The following CYP4Z1 variants were observed in gnomAD, a reference collection of about 807,000 sequenced individuals.
The protein encoded by CYP4Z1 is cytochrome P450 family 4 subfamily Z member 1, also known as cytochrome P450 4Z1.
CYP4Z1 carries 41 observed loss-of-function variants against 54.2 expected under a neutral mutation model. That is an observed-to-expected ratio of 0.76 (90% CI 0.59 to 0.98). CYP4Z1 has a LOEUF of 0.98. Among genes scored for constraint, CYP4Z1 ranks in the 50% least tolerant of loss-of-function variants. The pLI is 0.00. For missense variants in CYP4Z1, 513 were observed against 599.0 expected (o/e 0.86, Z 1.50); for synonymous variants, 163 against 206.2 (o/e 0.79, Z 1.79).
At chr1:47,059,451 T>C in the CYP4Z1 span, among the ~76,000 whole-genome samples, 2 of 152,180 alleles carry the variant, frequency 1.3e-5, no homozygotes, top group Non-Finnish European at 2.9e-5. Flanking sequence ...CCTATCCAAA[T>C]TTGGAAGATA....
At chr1:47,090,013 C>T (rs563017823) in intron 6 of CYP4Z1, among the ~76,000 whole-genome samples, 101 of 152,294 alleles carry the variant, frequency 6.6e-4, no homozygotes, top group African/African-American at 2.2e-3. Flanking sequence ...CTTTCATAGA[C>T]CCTCTTACAA....
At chr1:47,095,980 A>G (rs928797839) in intron 7 of CYP4Z1, among the ~76,000 whole-genome samples, 1 of 152,224 alleles carries the variant, frequency 6.6e-6, no homozygotes, top group African/African-American at 2.4e-5. Flanking sequence ...ATACTCTGTG[A>G]ACTCAACTTT....
At chr1:47,091,780 A>G (rs1294792239) in intron 6 of CYP4Z1, among the ~76,000 whole-genome samples, 1 of 149,758 alleles carries the variant, frequency 6.7e-6, no homozygotes, top group African/African-American at 2.4e-5. Flanking sequence ...TAGAGCTGTT[A>G]TGACGATGGT....
chr1:47,102,052 G>C (rs1644725536), intron 8 of CYP4Z1, among the ~76,000 whole-genome samples: 1 of 151,902 alleles, frequency 6.6e-6, no homozygotes, highest in Non-Finnish European at 1.5e-5. Context: ...CTTTTTCTCT[G>C]ATATAAACAT....
intron 7 of CYP4Z1, among the ~76,000 whole-genome samples, chr1:47,095,259 T>C (rs1288318374): frequency 2.0e-5 from 3 of 152,204 alleles, no homozygotes; most frequent in Non-Finnish European, 4.4e-5. Context: ...TCAGACCTAG[T>C]GGGTTAGAAT....
At chr1:47,079,171 C>T (rs970501952) in intron 2 of CYP4Z1, among the ~76,000 whole-genome samples, 14 of 152,172 alleles carry the variant, frequency 9.2e-5, no homozygotes, top group Non-Finnish European at 2.1e-4. Context: ...TCTGCTTTCT[C>T]TAGGATCCAG....
At chr1:47,073,066 C>T (rs1258970653) in intron 2 of CYP4Z1, among the ~76,000 whole-genome samples, 2 of 112,332 alleles carry the variant, frequency 1.8e-5, no homozygotes, top group Non-Finnish European at 3.6e-5. Context: ...AGACAGAAAC[C>T]TCATACCAAT....
the CYP4Z1 span, among the ~76,000 whole-genome samples, chr1:47,056,738 G>A: frequency 6.6e-6 from 1 of 152,056 alleles, no homozygotes; most frequent in African/African-American, 2.4e-5. Context: ...GACTAGGATT[G>A]CAACTCCTGC....
In CYP4Z1 at chr1:47,106,131, A is replaced by C; in HGVS notation, c.1071A>C (p.Glu357Asp). 6.2e-7 allele frequency: 1 copy of C among 1,613,150 alleles called. No homozygotes were observed. Among genetic ancestry groups the C allele is most frequent in the Non-Finnish European group, 8.5e-7 (1 of 1,179,696 alleles). The change falls in exon 9 of 12, where the codon GAA becomes GAC. Residue 357 changes from glutamate to aspartate, a missense_variant. Transcript: ENST00000334194. ...LLGDGSSITW[E>D]HLSQMPYTTM... ...TTCCTCCTGTGCTTCTACCCAGGGAACACCTGAGCCAGATGCCTTACACCA... is the reference window on the plus strand; with the variant it reads ...TTCCTCCTGTGCTTCTACCCAGGGACCACCTGAGCCAGATGCCTTACACCA...
At chr1:47,096,573 T>C (rs1644678473) in intron 7 of CYP4Z1, 1 of 151,952 alleles carries the variant, frequency 6.6e-6, no homozygotes, top group African/African-American at 2.4e-5. Context: ...CCATAGTGGT[T>C]TGCTGCACAG....
At chr1:47,116,582 T>A in intron 10 of CYP4Z1, 68 bp from the exon 11 acceptor site, 1 of 1,081,328 alleles carries the variant, frequency 9.2e-7, no homozygotes, top group South Asian at 1.6e-5. Context: ...TTCGTTTTTG[T>A]TTTTGTTTTT....
chr1:47,099,560 T>C (rs1413690782), intron 8 of CYP4Z1, among the ~76,000 whole-genome samples: 1 of 152,204 alleles, frequency 6.6e-6, no homozygotes, highest in Non-Finnish European at 1.5e-5. Flanking sequence ...TGCCTACCTT[T>C]TTTATGTCAC....
At chr1:47,056,214 A>T in the CYP4Z1 span, among the ~76,000 whole-genome samples, 1 of 152,086 alleles carries the variant, frequency 6.6e-6, no homozygotes, top group South Asian at 2.1e-4. Context: ...TTCAGTTTCC[A>T]TGTAGTTGAG....
intron 7 of CYP4Z1, among the ~76,000 whole-genome samples, chr1:47,095,674 C>G (rs1331916665): frequency 6.6e-6 from 1 of 152,004 alleles, no homozygotes; most frequent in Non-Finnish European, 1.5e-5. Flanking sequence ...TTATAAATAT[C>G]TTTATGTAAG....
chr1:47,085,419 T>C (rs1644585086), intron 6 of CYP4Z1, among the ~76,000 whole-genome samples: 1 of 152,170 alleles, frequency 6.6e-6, no homozygotes, highest in African/African-American at 2.4e-5. Flanking sequence ...TTTTGGGGAC[T>C]TAGGACATAG....
At chr1:47,104,990 A>G (rs1644747036) in intron 8 of CYP4Z1, among the ~76,000 whole-genome samples, 1 of 151,976 alleles carries the variant, frequency 6.6e-6, no homozygotes, top group African/African-American at 2.4e-5. Context: ...GGCTCACCAC[A>G]AGGGAGGCGC....
chr1:47,099,098 A>C lies in CYP4Z1; in HGVS notation c.881A>C (p.Glu294Ala). 1 of 1,614,110 alleles carries C rather than the reference A, an allele frequency of 6.2e-7. No homozygotes were observed. Among genetic ancestry groups the C allele is most frequent in the Non-Finnish European group, 8.5e-7 (1 of 1,179,968 alleles). ...GATCATCACTGTATTTTTTAGAGCG[A>C]AAACACCAAAGATTTCTCTGAAGCA... ...FLDILLSAKS[E>A]NTKDFSEADL... is the part of the protein sequence containing the mutation. Residue 294 changes from glutamate to alanine, a missense_variant, in exon 8 of 12, where the codon GAA (glutamate) becomes GCA (alanine). Coordinates refer to ENST00000334194, the MANE Select transcript of CYP4Z1 (RefSeq NM_178134.3).
chr1:47,092,330 A>T (rs1458188000), intron 6 of CYP4Z1, among the ~76,000 whole-genome samples: 1 of 151,964 alleles, frequency 6.6e-6, no homozygotes, highest in Non-Finnish European at 1.5e-5. Context: ...CCCTATTATA[A>T]AAGACCAAAG....
chr1:47,089,356 G>A (rs1644621637), intron 6 of CYP4Z1, among the ~76,000 whole-genome samples: 1 of 151,870 alleles, frequency 6.6e-6, no homozygotes, highest in Non-Finnish European at 1.5e-5. Context: ...TATATGTGCA[G>A]GATGTGCAGG....
Sources: gnomAD v4.1 joint callset for allele counts (sites outside exome capture counted in the v4.1 genomes callset) on GRCh38, gnomAD v4.1.1 for gene constraint, MANE v1.5 for transcripts, NCBI Gene and HGNC (gene_info 2026-07-23, HGNC 2026-07-21) for gene names.